Variants in KIF15 observed in about 807,000 individuals in gnomAD.
KIF15 encodes kinesin family member 15.
A neutral mutation model predicts 190.6 loss-of-function variants in KIF15; 140 were observed. That is an observed-to-expected ratio of 0.73 (90% CI 0.64 to 0.84). KIF15 has a LOEUF of 0.84. Among genes scored for constraint, KIF15 ranks in the 40% least tolerant of loss-of-function variants. The pLI is 0.00. For missense variants in KIF15, 1,372 were observed against 1,584.4 expected (o/e 0.87, Z 2.28); for synonymous variants, 528 against 551.3 (o/e 0.96, Z 0.59).
At chr3:44,824,175 C>G (rs1303863102) in intron 20 of KIF15, among the ~76,000 whole-genome samples, 3 of 152,098 alleles carry the variant, frequency 2.0e-5, no homozygotes. Flanking sequence ...TTAGGCCTGC[C>G]CAGTGGCTAA....
At chr3:44,824,094 C>T (rs1697518128) in intron 20 of KIF15, among the ~76,000 whole-genome samples, 1 of 152,160 alleles carries the variant, frequency 6.6e-6, no homozygotes, top group African/African-American at 2.4e-5. Context: ...TCTTCTGCAT[C>T]GATCCCGCTG....
chr3:44,770,708 ATT>A (rs1474197707), intron 1 of KIF15, among the ~76,000 whole-genome samples: 6 of 152,224 alleles, frequency 3.9e-5, no homozygotes, highest in African/African-American at 1.4e-4. Context: ...AAACAAATAT[ATT>A]GTCATAAGTT....
At position 44,826,185 on chromosome 3, in the gene KIF15, T is replaced by C. The variant is rs1428132718; in HGVS notation, c.2696T>C (p.Leu899Pro). The change falls in exon 21 of 35, where the codon CTG becomes CCG. Residue 899 changes from leucine to proline, a missense_variant. Leu to Pro is a moderately conservative substitution (Grantham distance 98). Coordinates refer to ENST00000326047, the MANE Select transcript of KIF15 (RefSeq NM_020242.3). ...GAAAATGAAACTCTGAAATCTGATC[T>C]GAATGTATGTTAAGAAGGGTGAATT... is the stretch of plus-strand genomic sequence containing the variant. ...KKENETLKSD[L>P]NNLMELLEAE... 6.4e-7 allele frequency: 1 copy of C among 1,573,536 alleles called. No individual in the cohort carries two copies. Among genetic ancestry groups the C allele is most frequent in the Non-Finnish European group, 8.6e-7 (1 of 1,168,602 alleles).
intron 17 of KIF15, 100 bp downstream of exon 17, chr3:44,811,143 T>A: frequency 1.1e-6 from 1 of 875,188 alleles, no homozygotes; most frequent in Non-Finnish European, 1.7e-6. Flanking sequence ...TCAAAAGTGC[T>A]TAGTATTAAA....
At chr3:44,788,250 A>G (rs1414449101) in intron 7 of KIF15, among the ~76,000 whole-genome samples, 1 of 152,234 alleles carries the variant, frequency 6.6e-6, no homozygotes, top group East Asian at 1.9e-4. Flanking sequence ...TTGCTGTCTT[A>G]AAAAATCAAG....
chr3:44,817,030 A>G (rs1708061066), intron 20 of KIF15, among the ~76,000 whole-genome samples: 1 of 151,348 alleles, frequency 6.6e-6, no homozygotes, highest in Non-Finnish European at 1.5e-5. Context: ...GGCTGCATAA[A>G]TGTTTTTTTT....
chr3:44,779,929 AG>A (rs1002362609), intron 4 of KIF15, among the ~76,000 whole-genome samples: 1 of 152,046 alleles, frequency 6.6e-6, no homozygotes, highest in African/African-American at 2.4e-5. Context: ...TTCCAGAAGA[AG>A]GGGGTAAAAA....
chr3:44,774,331 T>G, intron 1 of KIF15, 64 bp from the exon 2 acceptor site: 1 of 1,437,578 alleles, frequency 7.0e-7, no homozygotes. Context: ...AGGAACATGT[T>G]AGAGAAGAAT....
chr3:44,843,086 T>C (rs780148835), intron 29 of KIF15, 39 bp from the exon 30 acceptor site: 3 of 1,489,222 alleles, frequency 2.0e-6, no homozygotes, highest in Non-Finnish European at 2.8e-6. Flanking sequence ...AAGCCTACTG[T>C]AATGTGTTTT....
At chr3:44,861,678 G>A (rs1049974711) in intron 6 of KIF15, among the ~76,000 whole-genome samples, 2 of 152,216 alleles carry the variant, frequency 1.3e-5, no homozygotes, top group East Asian at 3.9e-4. Context: ...ACCCGGCTTG[G>A]CCTCAGGCCT....
intron 6 of KIF15, chr3:44,865,251 T>A: frequency 6.2e-7 from 1 of 1,600,982 alleles, no homozygotes; most frequent in African/African-American, 1.3e-5. Context: ...CATGTGGGAC[T>A]GTATCCTAGG....
Position 44,867,608 on chromosome 3 carries a change from C to T in KIF15, c.*60-5721C>T, listed in dbSNP as rs114998826. ...AATGCATAGAGATGGTTGGTGTTGA[C>T]GTGGAACCCTATCACTCAATTCAAC... On this transcript the variant is annotated intron_variant and NMD_transcript_variant, in intron 6 of 6. Transcript: ENST00000422209. Among the ~76,000 whole-genome samples, 1,130 of 152,314 alleles carry T rather than the reference C, an allele frequency of 7.4e-3. 13 individuals are homozygous for T. The highest frequency in any genetic ancestry group is 0.026 in the African/African-American group (1,081 of 41,564).
At chr3:44,843,265 T>TAA in intron 30 of KIF15, 31 bp downstream of exon 30, 1 of 1,458,634 alleles carries the variant, frequency 6.9e-7, no homozygotes, top group Non-Finnish European at 9.6e-7. Flanking sequence ...CTCTATGGGC[T>TAA]AAATCTTGGC....
rs186232984 is a variant in KIF15 at position 44,814,821 on chromosome 3, T to C, written c.2384-90T>C. ...TTTTCCTTAAAATAGTCTCTTCGAC[T>C]TGATTTTGCTAATTGTGGGACTAGT... On this transcript the variant is annotated intron_variant, in intron 19 of 34. Coordinates refer to ENST00000326047, the MANE Select transcript of KIF15 (RefSeq NM_020242.3). 9.0e-3 allele frequency: 9,041 copies of C among 1,007,798 alleles called. 107 individuals are homozygous for C. Among genetic ancestry groups the C allele is most frequent in the Non-Finnish European group, 8.0e-3 (5,763 of 716,870 alleles). The allele number at this position is 1,007,798 out of a possible 1,614,324, so 62.4% of individuals were successfully genotyped here. A position where few individuals can be genotyped will look rare whatever the true frequency, so the allele number is the denominator to read the frequency against.
intron 5 of KIF15, among the ~76,000 whole-genome samples, chr3:44,783,557 CA>C (rs1270107759): frequency 6.9e-6 from 1 of 145,938 alleles, no homozygotes; most frequent in Non-Finnish European, 1.5e-5. Context: ...CAAATTTCAA[CA>C]TGAGAATTGG....
intron 7 of KIF15, among the ~76,000 whole-genome samples, chr3:44,788,344 G>A (rs541287429): frequency 1.3e-5 from 2 of 152,220 alleles, no homozygotes; most frequent in South Asian, 2.1e-4. Context: ...ATGTTAACAC[G>A]ATAAAGTACT....
chr3:44,861,924 C>T (rs1284390381), intron 6 of KIF15: 1 of 1,453,338 alleles, frequency 6.9e-7, no homozygotes, highest in Admixed American at 2.7e-5. Flanking sequence ...CAGCAGGCAA[C>T]ATGGCCGAGA....
rs763911889 is a variant in KIF15 at position 44,864,184 on chromosome 3, C to G, written c.*60-9145C>G. On this transcript the variant is annotated intron_variant and NMD_transcript_variant, in intron 6 of 6. Coordinates refer to the KIF15 transcript ENST00000422209. ...CAGGGTGGACGTGGCTGCAGTGACA[C>G]TTTCTCCTGCAGGTGAGCATGGGTT... 1.9e-6 allele frequency: 3 copies of G among 1,613,388 alleles called. No individual in the cohort carries two copies. In the African/African-American group the frequency reaches 4.0e-5, roughly 22 times the overall value.
At position 44,800,534 on chromosome 3, in the gene KIF15, A is replaced by T. The variant is rs879871625; in HGVS notation, c.1222+97A>T. 7.3e-4 allele frequency: 975 copies of T among 1,338,000 alleles called. 1 individual carries two copies. Among genetic ancestry groups the T allele is most frequent in the Non-Finnish European group, 9.4e-4 (911 of 973,248 alleles). The allele number at this position is 1,338,000 out of a possible 1,614,324, so 82.9% of individuals were successfully genotyped here. A position where few individuals can be genotyped will look rare whatever the true frequency, so the allele number is the denominator to read the frequency against. On this transcript the variant is annotated intron_variant, in intron 11 of 34. Coordinates refer to ENST00000326047, the MANE Select transcript of KIF15 (RefSeq NM_020242.3). ...GACACAACACAATAAGGCAACCCAAATTTTTCTGCAGGTATCTCTTTCTGC... is the reference window on the plus strand; with the variant it reads ...GACACAACACAATAAGGCAACCCAATTTTTTCTGCAGGTATCTCTTTCTGC...
Sources: allele counts gnomAD v4.1 joint callset (sites outside exome capture counted in the v4.1 genomes callset), GRCh38; gene constraint gnomAD v4.1.1; transcripts MANE v1.5; gene names NCBI Gene and HGNC (gene_info 2026-07-23, HGNC 2026-07-21).